The following CCDC185 variants were observed in gnomAD, a reference collection of about 807,000 sequenced individuals.
CCDC185 encodes coiled-coil domain-containing protein 185.
For missense variants in CCDC185, 982 were observed against 825.3 expected (o/e 1.19, Z -2.33); for synonymous variants, 381 against 348.1 (o/e 1.09, Z -1.05).
rs776952295 is a variant in CCDC185 at position 223,393,802 on chromosome 1, C to T, written c.327C>T (p.Ala109=). ...HRPRSRRLED[A]WGETGTKPRP... ...CCCGCAGCAGGCGCCTGGAAGATGC[C>T]TGGGGAGAGACAGGAACCAAGCCCC... The change falls in exon 1 of 1, where the codon GCC becomes GCT. Residue 109 remains alanine (A), a synonymous_variant. Transcript: ENST00000366875. This position sits in a 1 kb window ranked among gnomAD's most constrained non-coding sequence, Gnocchi z 4.8. 1 of 1,583,060 alleles carries T rather than the reference C, an allele frequency of 6.3e-7. No homozygotes were observed. The highest frequency in any genetic ancestry group is 1.1e-5 in the South Asian group (1 of 87,852).
At position 223,393,695 on chromosome 1, in the gene CCDC185, G is replaced by A. The variant is rs762723314; in HGVS notation, c.220G>A (p.Gly74Arg). The A allele has an allele frequency of 3.8e-6, 6 of 1,573,506 alleles. No individual in the cohort carries two copies. In the African/African-American group the frequency reaches 5.4e-5, roughly 14 times the overall value. ...GTTCACCCCGCGGCCTCGCAGGCGC[G>A]GGTGCTCAGATTCACTGCGGGGCAG... Reference protein sequence around the residue: ...CSFTPRPRRRGCSDSLRGSRS... With the variant: ...CSFTPRPRRRRCSDSLRGSRS... The change falls in exon 1 of 1, where the codon GGG becomes AGG. Residue 74 changes from glycine (G) to arginine (R), a missense_variant. Coordinates refer to ENST00000366875, the MANE Select transcript of CCDC185 (RefSeq NM_152610.3). The surrounding 1 kb of genome is among the most constrained non-coding windows in gnomAD (Gnocchi z 4.8).
Position 223,394,573 on chromosome 1 carries a change from C to T in CCDC185, c.1098C>T (p.Ala366=). Residue 366 remains alanine (A), a synonymous_variant, in exon 1 of 1, where the codon GCC becomes GCT. Transcript: ENST00000366875. ...AGGAGAAGCTGGAGAAGGCGCGCGC[C>T]CAGGCAGAGCACCGAAAACAGTGCC... is the stretch of plus-strand genomic sequence containing the variant. ...PRQEKLEKAR[A]QAEHRKQCQV... 6.2e-7 allele frequency: 1 copy of T among 1,608,276 alleles called. No homozygotes were observed. The highest frequency in any genetic ancestry group is 8.5e-7 in the Non-Finnish European group (1 of 1,177,704).
In CCDC185 at chr1:223,394,461, G is replaced by A. The variant is rs10907376; in HGVS notation, c.986G>A (p.Gly329Asp). The stretch of plus-strand genomic sequence containing the variant: ...ACCCTCCAGAGCCCTGAGCAGCGCG[G>A]CCTGCGGCGGGACAGCCAGAGGAAG... ...RKTLQSPEQR[G>D]LRRDSQRKNV... Residue 329 changes from glycine (G) to aspartate (D), a missense_variant, in exon 1 of 1, where the codon GGC becomes GAC. Coordinates refer to ENST00000366875, the MANE Select transcript of CCDC185 (RefSeq NM_152610.3). The A allele has an allele frequency of 0.25, 395,331 of 1,572,124 alleles. 52,203 individuals carry two copies. The highest frequency in any genetic ancestry group is 0.28 in the Non-Finnish European group (319,545 of 1,159,494).
At position 223,395,428 on chromosome 1, in the gene CCDC185, G is replaced by A. The variant is rs1669654208; in HGVS notation, c.*81G>A. On this transcript the variant is annotated 3_prime_UTR_variant, in exon 1 of 1. Coordinates refer to ENST00000366875, the MANE Select transcript of CCDC185 (RefSeq NM_152610.3). ...TTCCTTTTGTAATCTGATTATAATT[G>A]AACATTGATTTTAAAAAAGCATGTA... The A allele has an allele frequency of 3.1e-6, 4 of 1,309,398 alleles. No homozygotes were observed. Among genetic ancestry groups the A allele is most frequent in the South Asian group, 2.5e-5 (1 of 39,690 alleles). The allele number at this position is 1,309,398 out of a possible 1,614,324, so 81.1% of individuals were successfully genotyped here.
In CCDC185 at chr1:223,394,572, C is replaced by T. The variant is rs1016548450; in HGVS notation, c.1097C>T (p.Ala366Val). 6.2e-7 allele frequency: 1 copy of T among 1,607,950 alleles called. No homozygotes were observed. Among genetic ancestry groups the T allele is most frequent in the Non-Finnish European group, 8.5e-7 (1 of 1,177,600 alleles). The change falls in exon 1 of 1, where the codon GCC becomes GTC. Residue 366 changes from alanine (A) to valine (V), a missense_variant. Physicochemically the swap from Ala to Val is moderately conservative, Grantham distance 64. Transcript: ENST00000366875. ...CAGGAGAAGCTGGAGAAGGCGCGCG[C>T]CCAGGCAGAGCACCGAAAACAGTGC... ...PRQEKLEKAR[A>V]QAEHRKQCQV...
In CCDC185 at chr1:223,394,983, A is replaced by T. The variant is rs200145613; in HGVS notation, c.1508A>T (p.Lys503Ile). 3 of 1,614,120 alleles carry T rather than the reference A, an allele frequency of 1.9e-6. No individual in the cohort carries two copies. The East Asian group carries it at 6.7e-5, about 36-fold the overall frequency. The change falls in exon 1 of 1, where the codon AAA (lysine) becomes ATA (isoleucine). Residue 503 changes from lysine to isoleucine, a missense_variant. Coordinates refer to ENST00000366875, the MANE Select transcript of CCDC185 (RefSeq NM_152610.3). ...TCAGAGGAACAGAGGAAGATGCGCA[A>T]AAGAATTCTGGTGGAGCTGGCGGAT... ...GESEEQRKMR[K>I]RILVELADEK...
chr1:223,394,063 C>T lies in CCDC185; in HGVS notation c.588C>T (p.Pro196=). The stretch of plus-strand genomic sequence containing the variant: ...TTCCCTCGGAGCGGTCTTCTGTGCC[C>T]TCGCAAAAGTTCAAGAGGCACTCAG... The part of the protein sequence containing the change: ...SSVPSERSSV[P]SQKFKRHSAC... Residue 196 remains proline, a synonymous_variant, in exon 1 of 1, where the codon CCC becomes CCT. Transcript: ENST00000366875. 1 of 1,614,162 alleles carries T rather than the reference C, an allele frequency of 6.2e-7. No homozygotes were observed.
Position 223,393,547 on chromosome 1 carries a change from A to G in CCDC185, c.72A>G (p.Glu24=). Residue 24 remains glutamate (E), a synonymous_variant, in exon 1 of 1, where the codon GAA becomes GAG. Coordinates refer to ENST00000366875, the MANE Select transcript of CCDC185 (RefSeq NM_152610.3). The surrounding 1 kb of genome is among the most constrained non-coding windows in gnomAD (Gnocchi z 4.8). ...GGGAACCCCCGCGGCCCGGCGGAGA[A>G]CGAGAGTCCACGCAGCGGCTGGGCG... ...DLWEPPRPGG[E]RESTQRLGGQ... 1.3e-6 allele frequency: 2 copies of G among 1,557,256 alleles called. No homozygotes were observed. Among genetic ancestry groups the G allele is most frequent in the Non-Finnish European group, 1.7e-6 (2 of 1,153,696 alleles).
chr1:223,394,710 C>G lies in CCDC185; in HGVS notation c.1235C>G (p.Ala412Gly). 2.5e-6 allele frequency: 4 copies of G among 1,611,002 alleles called. No homozygotes were observed. In the Admixed American group the frequency reaches 6.7e-5, roughly 27 times the overall value. ...GCCTGTCGCAAGAGGCACCTACATG[C>G]CGTGGAGGGCCAGAAGAAGGTCCAG... The part of the protein sequence containing the change: ...VEACRKRHLH[A>G]VEGQKKVQDT... The change falls in exon 1 of 1, where the codon GCC (alanine) becomes GGC (glycine). Residue 412 changes from alanine (A) to glycine (G), a missense_variant. Transcript: ENST00000366875.
rs1223515395 is a variant in CCDC185 at position 223,394,797 on chromosome 1, C to A, written c.1322C>A (p.Ala441Asp). ...CGGAAGGTCCTCATGGACTGCCAGG[C>A]CAAGGCTGAGGAGCTCCTTAGGCAG... ...QARKVLMDCQ[A>D]KAEELLRQLS... The change falls in exon 1 of 1, where the codon GCC becomes GAC. Residue 441 changes from alanine to aspartate, a missense_variant. Transcript: ENST00000366875. 3 of 1,613,502 alleles carry A rather than the reference C, an allele frequency of 1.9e-6. No homozygotes were observed. Among genetic ancestry groups the A allele is most frequent in the Non-Finnish European group, 2.5e-6 (3 of 1,179,552 alleles).
At position 223,395,195 on chromosome 1, in the gene CCDC185, C is replaced by T. The variant is rs1188919603; in HGVS notation, c.1720C>T (p.His574Tyr). Residue 574 changes from histidine to tyrosine, a missense_variant, in exon 1 of 1, where the codon CAC becomes TAC. Physicochemically the swap from His to Tyr is moderately conservative, Grantham distance 83 (BLOSUM62 2). Transcript: ENST00000366875. ...AIKKKEQRVQ[H>Y]ISQGKDPNFQ... ...TAAGAAAAAGGAGCAGAGGGTGCAG[C>T]ACATTTCCCAAGGGAAAGACCCAAA... 6.2e-7 allele frequency: 1 copy of T among 1,613,556 alleles called. No homozygotes were observed. The highest frequency in any genetic ancestry group is 1.7e-5 in the Admixed American group (1 of 59,924).
rs1316449515 is a variant in CCDC185, at chr1:223,393,541, C to T, written c.66C>T (p.Gly22=). ...YRDLWEPPRP[G]GERESTQRLG... ...ATCTCTGGGAACCCCCGCGGCCCGGCGGAGAACGAGAGTCCACGCAGCGGC... is the reference window on the plus strand; with the variant it reads ...ATCTCTGGGAACCCCCGCGGCCCGGTGGAGAACGAGAGTCCACGCAGCGGC... Residue 22 remains glycine, a synonymous_variant, in exon 1 of 1, where the codon GGC becomes GGT. Transcript: ENST00000366875. This position sits in a 1 kb window ranked among gnomAD's most constrained non-coding sequence, Gnocchi z 4.8. 6.4e-7 allele frequency: 1 copy of T among 1,556,586 alleles called. No individual in the cohort carries two copies.
Position 223,394,715 on chromosome 1 carries a change from G to C in CCDC185, c.1240G>C (p.Glu414Gln). 6.2e-7 allele frequency: 1 copy of C among 1,611,688 alleles called. No homozygotes were observed. The highest frequency in any genetic ancestry group is 2.2e-5 in the East Asian group (1 of 44,822). ...TCGCAAGAGGCACCTACATGCCGTG[G>C]AGGGCCAGAAGAAGGTCCAGGACAC... ...ACRKRHLHAV[E>Q]GQKKVQDTNL... The change falls in exon 1 of 1, where the codon GAG (glutamate) becomes CAG (glutamine). Residue 414 changes from glutamate to glutamine, a missense_variant. Physicochemically the swap from Glu to Gln is conservative, Grantham distance 29. Coordinates refer to ENST00000366875, the MANE Select transcript of CCDC185 (RefSeq NM_152610.3).
chr1:223,395,187 G>A lies in CCDC185; in HGVS notation c.1712G>A (p.Arg571Lys), dbSNP rs772699344. Reference sequence around the variant, plus strand: ...GAGGCCATTAAGAAAAAGGAGCAGAGGGTGCAGCACATTTCCCAAGGGAAA... The same window carrying A: ...GAGGCCATTAAGAAAAAGGAGCAGAAGGTGCAGCACATTTCCCAAGGGAAA... Reference protein sequence around the residue: ...IKEAIKKKEQRVQHISQGKDP... With the variant: ...IKEAIKKKEQKVQHISQGKDP... Residue 571 changes from arginine to lysine, a missense_variant, in exon 1 of 1, where the codon AGG becomes AAG. Coordinates refer to ENST00000366875, the MANE Select transcript of CCDC185 (RefSeq NM_152610.3). 1 of 1,614,076 alleles carries A rather than the reference G, an allele frequency of 6.2e-7. No homozygotes were observed. Among genetic ancestry groups the A allele is most frequent in the Non-Finnish European group, 8.5e-7 (1 of 1,180,012 alleles).
At position 223,393,452 on chromosome 1, in the gene CCDC185, C is replaced by T. The variant is rs57755601; in HGVS notation, c.-24C>T. The T allele has an allele frequency of 2.4e-4, 348 of 1,438,676 alleles. 3 individuals carry two copies. The East Asian group carries it at 9.1e-3, about 38-fold the overall frequency. The allele number at this position is 1,438,676 out of a possible 1,614,324, so 89.1% of individuals were successfully genotyped here. ...GGAGGTCTCAGGCCCCTTGGGCAGACGCTGCGCGTGCCCAGAGGGAGGGAT... is the reference window on the plus strand; with the variant it reads ...GGAGGTCTCAGGCCCCTTGGGCAGATGCTGCGCGTGCCCAGAGGGAGGGAT... On this transcript the variant is annotated 5_prime_UTR_variant, in exon 1 of 1. In the 5' UTR this introduces an upstream ATG that the reference lacks. Transcript: ENST00000366875. This position sits in a 1 kb window ranked among gnomAD's most constrained non-coding sequence, Gnocchi z 4.8.
chr1:223,394,058 G>A lies in CCDC185; in HGVS notation c.583G>A (p.Val195Met), dbSNP rs1348454861. The change falls in exon 1 of 1, where the codon GTG (valine) becomes ATG (methionine). Residue 195 changes from valine to methionine, a missense_variant. Val to Met is a conservative substitution (Grantham distance 21, BLOSUM62 1). Coordinates refer to ENST00000366875, the MANE Select transcript of CCDC185 (RefSeq NM_152610.3). Reference sequence around the variant, plus strand: ...CTCAGTTCCCTCGGAGCGGTCTTCTGTGCCCTCGCAAAAGTTCAAGAGGCA... The same window carrying A: ...CTCAGTTCCCTCGGAGCGGTCTTCTATGCCCTCGCAAAAGTTCAAGAGGCA... The part of the protein sequence containing the change: ...PSSVPSERSS[V>M]PSQKFKRHSA... The A allele has an allele frequency of 1.9e-6, 3 of 1,614,188 alleles. No individual in the cohort carries two copies. The highest frequency in any genetic ancestry group is 2.5e-6 in the Non-Finnish European group (3 of 1,180,042).
rs572596313 is a variant in CCDC185 at position 223,395,202 on chromosome 1, C to A, written c.1727C>A (p.Ser576Tyr). The change falls in exon 1 of 1, where the codon TCC becomes TAC. Residue 576 changes from serine to tyrosine, a missense_variant. Ser to Tyr is a moderately radical substitution (Grantham distance 144). Transcript: ENST00000366875. The part of the protein sequence containing the change: ...KKKEQRVQHI[S>Y]QGKDPNFQEF... ...AAGGAGCAGAGGGTGCAGCACATTTCCCAAGGGAAAGACCCAAACTTCCAG... is the reference window on the plus strand; with the variant it reads ...AAGGAGCAGAGGGTGCAGCACATTTACCAAGGGAAAGACCCAAACTTCCAG... The A allele has an allele frequency of 1.1e-5, 18 of 1,613,378 alleles. No homozygotes were observed. The highest frequency in any genetic ancestry group is 1.4e-5 in the Non-Finnish European group (17 of 1,179,856).
Position 223,393,589 on chromosome 1 carries a change from C to T in CCDC185, c.114C>T (p.Ala38=), listed in dbSNP as rs375312330. 2.0e-6 allele frequency: 3 copies of T among 1,531,792 alleles called. No individual in the cohort carries two copies. Among genetic ancestry groups the T allele is most frequent in the African/African-American group, 1.4e-5 (1 of 70,896 alleles). The allele number at this position is 1,531,792 out of a possible 1,614,324, so 94.9% of individuals were successfully genotyped here. A position where few individuals can be genotyped will look rare whatever the true frequency, so the allele number is the denominator to read the frequency against. ...TQRLGGQRSG[A]DSTACSRAGT... Reference sequence around the variant, plus strand: ...GGCTGGGCGGGCAGAGGTCCGGAGCCGACTCCACCGCGTGCTCCCGGGCCG... The same window carrying T: ...GGCTGGGCGGGCAGAGGTCCGGAGCTGACTCCACCGCGTGCTCCCGGGCCG... The change falls in exon 1 of 1, where the codon GCC becomes GCT. Residue 38 remains alanine, a synonymous_variant. Transcript: ENST00000366875. This position sits in a 1 kb window ranked among gnomAD's most constrained non-coding sequence, Gnocchi z 4.8.
Position 223,394,542 on chromosome 1 carries a change from C to G in CCDC185, c.1067C>G (p.Pro356Arg). 2 of 1,599,948 alleles carry G rather than the reference C, an allele frequency of 1.3e-6. No homozygotes were observed. Among genetic ancestry groups the G allele is most frequent in the South Asian group, 1.1e-5 (1 of 89,386 alleles). Residue 356 changes from proline to arginine, a missense_variant, in exon 1 of 1, where the codon CCG becomes CGG. Physicochemically the swap from Pro to Arg is moderately radical, Grantham distance 103. Coordinates refer to ENST00000366875, the MANE Select transcript of CCDC185 (RefSeq NM_152610.3). ...WKEQPEDQESPRQEKLEKARA... is the reference protein window; with the variant it reads ...WKEQPEDQESRRQEKLEKARA... ...GAGCAACCAGAGGACCAGGAGAGCCCGCGCCAGGAGAAGCTGGAGAAGGCG... is the reference window on the plus strand; with the variant it reads ...GAGCAACCAGAGGACCAGGAGAGCCGGCGCCAGGAGAAGCTGGAGAAGGCG...
Sources: gnomAD v4.1 joint callset for allele counts on GRCh38, gnomAD v4.1.1 for gene constraint, Gnocchi (gnomAD v3.1) non-coding constraint, MANE v1.5 for transcripts, NCBI Gene and HGNC (gene_info 2026-07-23, HGNC 2026-07-21) for gene names.